ZNF595: variants seen among roughly 807,000 people sequenced by gnomAD.
The protein encoded by ZNF595 is zinc finger protein 595.
ZNF595 carries 9 observed loss-of-function variants against 19.4 expected under a neutral mutation model. That is an observed-to-expected ratio of 0.46 (90% CI 0.28 to 0.81). ZNF595 has a LOEUF of 0.81. ZNF595 is among the 30% of genes least tolerant of loss of function. ZNF595 has a pLI of 0.11. For missense variants in ZNF595, 729 were observed against 736.0 expected (o/e 0.99, Z 0.11); for synonymous variants, 255 against 255.9 (o/e 1.00, Z 0.03).
chr4:80,798 T>C (rs1319264387), intron 3 of ZNF595, among the ~76,000 whole-genome samples: 1 of 151,268 alleles, frequency 6.6e-6, no homozygotes, highest in African/African-American at 2.4e-5. Flanking sequence ...GCCATCTGGA[T>C]GTACACGTGC....
At chr4:81,593 C>G (rs1331941299) in intron 3 of ZNF595, among the ~76,000 whole-genome samples, 1 of 152,142 alleles carries the variant, frequency 6.6e-6, no homozygotes, top group East Asian at 1.9e-4. Context: ...AAATATTCAG[C>G]TTAGTCATAT....
intron 3 of ZNF595, among the ~76,000 whole-genome samples, chr4:69,733 T>C (rs1490872088): frequency 6.6e-6 from 1 of 152,184 alleles, no homozygotes; most frequent in East Asian, 1.9e-4. Flanking sequence ...TAGAAGCTCT[T>C]TATGGTGATT....
intron 3 of ZNF595, among the ~76,000 whole-genome samples, chr4:81,998 C>G (rs1713926862): frequency 6.6e-6 from 1 of 152,154 alleles, no homozygotes; most frequent in Non-Finnish European, 1.5e-5. Flanking sequence ...TACTCTTCAT[C>G]TGACCATATG....
intron 3 of ZNF595, among the ~76,000 whole-genome samples, chr4:80,649 T>TG (rs1363316575): frequency 6.6e-6 from 1 of 151,218 alleles, no homozygotes; most frequent in Non-Finnish European, 1.5e-5. Context: ...GGTTGTTCTC[T>TG]GGCAGGCAGG....
intron 3 of ZNF595, among the ~76,000 whole-genome samples, chr4:82,622 G>A (rs1452149657): frequency 6.6e-6 from 1 of 151,892 alleles, no homozygotes; most frequent in Non-Finnish European, 1.5e-5. Flanking sequence ...GACCTCAAGT[G>A]ATCTGCTTGC....
At chr4:60,718 A>C (rs1581322220) in intron 3 of ZNF595, among the ~76,000 whole-genome samples, 1 of 152,260 alleles carries the variant, frequency 6.6e-6, no homozygotes. Context: ...CTGCTTAGTG[A>C]TTTTTAATCC....
Position 85,767 on chromosome 4 carries a change from T to C in ZNF595, c.263T>C (p.Val88Ala), listed in dbSNP as rs1227709293. Residue 88 changes from valine (V) to alanine (A), a missense_variant, in exon 4 of 4, where the codon GTG (valine) becomes GCG (alanine). By Grantham distance (64) the Val-to-Ala change is moderately conservative. Around this residue, in one of 2 missense-constraint regions of ZNF595, gnomAD observed 729 missense variants for 675.3 expected, o/e 1.08. Transcript: ENST00000610261. ...CSPFSQDLSP[V>A]QGIEDSFHKL... ...CCTTTCAGCCAAGACCTTTCACCAGTGCAGGGGATAGAAGATTCATTCCAC... is the reference window on the plus strand; with the variant it reads ...CCTTTCAGCCAAGACCTTTCACCAGCGCAGGGGATAGAAGATTCATTCCAC... The C allele has an allele frequency of 3.3e-5, 53 of 1,609,038 alleles. 1 individual carries two copies. Among genetic ancestry groups the C allele is most frequent in the Non-Finnish European group, 4.2e-5 (50 of 1,176,746 alleles).
intron 3 of ZNF595, among the ~76,000 whole-genome samples, chr4:70,178 A>G (rs1713368761): frequency 6.6e-6 from 1 of 151,928 alleles, no homozygotes; most frequent in African/African-American, 2.4e-5. Flanking sequence ...TATCTTTAAT[A>G]TTTTTTCCCA....
chr4:79,470 T>TC (rs1713812360), intron 3 of ZNF595, among the ~76,000 whole-genome samples: 1 of 152,216 alleles, frequency 6.6e-6, no homozygotes, highest in African/African-American at 2.4e-5. Context: ...CTAGCACTAT[T>TC]TATTGAAAAG....
chr4:83,910 T>C (rs1382472067), intron 3 of ZNF595, among the ~76,000 whole-genome samples: 1 of 152,068 alleles, frequency 6.6e-6, no homozygotes, highest in African/African-American at 2.4e-5. Context: ...ATTGTTTTAC[T>C]TGATTATTGT....
At chr4:77,409 T>C (rs985052254) in intron 3 of ZNF595, among the ~76,000 whole-genome samples, 1 of 152,170 alleles carries the variant, frequency 6.6e-6, no homozygotes, top group Non-Finnish European at 1.5e-5. Context: ...AGATCTGTGT[T>C]TTATTGTAAG....
In ZNF595 at chr4:86,010, G is replaced by A. The variant is rs782091335; in HGVS notation, c.506G>A (p.Gly169Glu). The A allele has an allele frequency of 3.7e-5, 59 of 1,608,408 alleles. 1 individual carries two copies. In the South Asian group the frequency reaches 6.4e-4, roughly 17 times the overall value. The change falls in exon 4 of 4, where the codon GGA becomes GAA. Residue 169 changes from glycine to glutamate, a missense_variant. By Grantham distance (98) the Gly-to-Glu change is moderately conservative. This residue lies in a region of ZNF595 where 729 missense variants were observed against 675.3 expected (regional missense o/e 1.08). Transcript: ENST00000610261. ...NSNKHKIRHT[G>E]EKPFKCTECG... ...AACAAACATAAGATAAGACATACTG[G>A]AGAGAAACCCTTTAAATGTACAGAA...
intron 3 of ZNF595, among the ~76,000 whole-genome samples, chr4:62,390 G>GTA (rs1299340801): frequency 2.6e-5 from 1 of 38,522 alleles, no homozygotes; most frequent in Non-Finnish European, 4.7e-5. Context: ...TACTGTGTGT[G>GTA]TATATATATA....
chr4:81,940 T>C (rs183115581), intron 3 of ZNF595, among the ~76,000 whole-genome samples: 21 of 152,344 alleles, frequency 1.4e-4, no homozygotes, highest in Admixed American at 3.9e-4. Context: ...ATTGCTTTCA[T>C]TTATTTGCTT....
chr4:54,931 G>T (rs1712556404), intron 1 of ZNF595, among the ~76,000 whole-genome samples: 1 of 152,400 alleles, frequency 6.6e-6, no homozygotes, highest in African/African-American at 2.4e-5. Context: ...GCCCAGGCTG[G>T]AGTGCAGTGG....
At chr4:54,826 T>A (rs1581309245) in intron 1 of ZNF595, among the ~76,000 whole-genome samples, 1 of 152,204 alleles carries the variant, frequency 6.6e-6, no homozygotes, top group East Asian at 1.9e-4. Flanking sequence ...TAGCCCTGCC[T>A]CGGCCTGTAC....
intron 3 of ZNF595, among the ~76,000 whole-genome samples, chr4:80,477 T>A (rs1350039320): frequency 6.6e-6 from 1 of 152,186 alleles, no homozygotes; most frequent in Non-Finnish European, 1.5e-5. Context: ...GTCATGCGCA[T>A]CCGTGTGAAA....
chr4:87,178 T>C lies in ZNF595; in HGVS notation c.1674T>C (p.His558=). The change falls in exon 4 of 4, where the codon CAT becomes CAC. Residue 558 remains histidine, a synonymous_variant. Coordinates refer to ENST00000610261, the MANE Select transcript of ZNF595 (RefSeq NM_182524.4). ...CCCTGAATGAACATAAGAAAATTCA[T>C]TCTGGAGAGAAACCCTACAAATGCA... is the stretch of plus-strand genomic sequence containing the variant. ...STALNEHKKI[H]SGEKPYKCKE... The C allele has an allele frequency of 6.2e-7, 1 of 1,613,884 alleles. No homozygotes were observed. The highest frequency in any genetic ancestry group is 8.5e-7 in the Non-Finnish European group (1 of 1,179,846).
chr4:82,274 C>T (rs1422037091), intron 3 of ZNF595, among the ~76,000 whole-genome samples: 3 of 150,940 alleles, frequency 2.0e-5, no homozygotes, highest in African/African-American at 4.9e-5. Flanking sequence ...TAGATTACAT[C>T]GAACAGTCCA....
Sources: gnomAD v4.1 joint callset for allele counts (sites outside exome capture counted in the v4.1 genomes callset) on GRCh38, gnomAD v4.1.1 for gene constraint, gnomAD v4.1.1 regional missense constraint, MANE v1.5 for transcripts, NCBI Gene and HGNC (gene_info 2026-07-23, HGNC 2026-07-21) for gene names.